FAM107B: variants seen among roughly 807,000 people sequenced by gnomAD.
The protein encoded by FAM107B is protein FAM107B.
FAM107B carries 21 observed loss-of-function variants against 31.5 expected under a neutral mutation model. The ratio of observed to expected loss-of-function variants is 0.67; its 90% CI spans 0.47 to 0.96. The LOEUF (loss-of-function observed/expected upper bound fraction) is 0.96, where lower values mean the gene tolerates loss of function less well. Ranked by LOEUF, FAM107B falls within the 40% of genes least tolerant of loss-of-function variation. The pLI is 0.00. For missense variants in FAM107B, 452 were observed against 377.1 expected, an observed-to-expected ratio of 1.20 and a Z score of -1.64; for synonymous variants, 157 against 141.5, an observed-to-expected ratio of 1.11 and a Z score of -0.78.
chr10:14,704,386 T>C (rs535308827), intron 1 of FAM107B, among the ~76,000 whole-genome samples: 46 of 151,982 alleles, frequency 3.0e-4, no homozygotes, highest in Non-Finnish European at 4.9e-4. Flanking sequence ...ATGCTAAGTG[T>C]CACAGAAGAA....
intron 2 of FAM107B, among the ~76,000 whole-genome samples, chr10:14,556,952 C>T (rs1849758499): frequency 6.6e-6 from 1 of 152,196 alleles, no homozygotes; most frequent in Admixed American, 6.5e-5. Flanking sequence ...CACAGGCCTG[C>T]CTTCATTCCT....
At chr10:14,696,117 T>C (rs1233594112) in intron 1 of FAM107B, among the ~76,000 whole-genome samples, 2 of 152,212 alleles carry the variant, frequency 1.3e-5, no homozygotes, top group African/African-American at 2.4e-5. Flanking sequence ...CTGTGGGTTT[T>C]TCCTAGATGG....
At chr10:14,725,841 T>TTTTA (rs1856021049) in intron 1 of FAM107B, among the ~76,000 whole-genome samples, 1 of 149,082 alleles carries the variant, frequency 6.7e-6, no homozygotes, top group Non-Finnish European at 1.5e-5. Flanking sequence ...TTTTTTTTTT[T>TTTTA]TGGAAATGGA....
At chr10:14,731,473 G>A (rs1006832655) in intron 1 of FAM107B, among the ~76,000 whole-genome samples, 7 of 152,110 alleles carry the variant, frequency 4.6e-5, no homozygotes, top group Admixed American at 2.0e-4. Context: ...GAGACAGGAG[G>A]ATCACTTGAG....
chr10:14,568,447 GTA>G (rs1850878645), intron 2 of FAM107B, among the ~76,000 whole-genome samples: 2 of 20,834 alleles, frequency 9.6e-5, no homozygotes, highest in African/African-American at 1.3e-4. Context: ...AGATACTCAG[GTA>G]AGAGGAGGCT....
intron 1 of FAM107B, among the ~76,000 whole-genome samples, chr10:14,766,701 A>G (rs920760352): frequency 9.9e-5 from 15 of 151,910 alleles, no homozygotes; most frequent in Non-Finnish European, 1.9e-4. Flanking sequence ...TATAATGGCC[A>G]TAGCTCAGTG....
chr10:14,701,332 C>T (rs1218509836), intron 1 of FAM107B, among the ~76,000 whole-genome samples: 1 of 151,060 alleles, frequency 6.6e-6, no homozygotes, highest in Non-Finnish European at 1.5e-5. Flanking sequence ...GCAACCTCCA[C>T]CTCCCAGGTT....
intron 1 of FAM107B, among the ~76,000 whole-genome samples, chr10:14,743,698 G>A (rs765669251): frequency 2.6e-4 from 39 of 152,166 alleles, no homozygotes; most frequent in Non-Finnish European, 5.0e-4. Context: ...TCTCTATTCT[G>A]TTCCATTGGT....
In FAM107B at chr10:14,561,047, G is replaced by T. The variant is rs138672412; in HGVS notation, c.470-30532C>A. The stretch of plus-strand genomic sequence containing the variant: ...ACTGAGTCAAGCTACAACGAAACCA[G>T]CCATCATTCTCTGTCTTTTGAAGGG... On this transcript the variant is annotated intron_variant, in intron 2 of 4. Coordinates refer to ENST00000181796, the MANE Select transcript of FAM107B (RefSeq NM_031453.4). Among the ~76,000 whole-genome samples, 249 of 152,332 alleles carry T rather than the reference G, an allele frequency of 1.6e-3. 1 individual carries two copies. Among genetic ancestry groups the T allele is most frequent in the African/African-American group, 5.8e-3 (240 of 41,576 alleles).
At chr10:14,620,361 C>G (rs1211665382) in intron 2 of FAM107B, among the ~76,000 whole-genome samples, 1 of 152,104 alleles carries the variant, frequency 6.6e-6, no homozygotes, top group African/African-American at 2.4e-5. Context: ...GTATATCTAA[C>G]CTTTCATCAA....
At chr10:14,539,511 A>T (rs1847967183) in intron 2 of FAM107B, among the ~76,000 whole-genome samples, 1 of 152,208 alleles carries the variant, frequency 6.6e-6, no homozygotes, top group African/African-American at 2.4e-5. Flanking sequence ...AGCAGTTCTC[A>T]CATAATCTAG....
chr10:14,707,356 A>G (rs1181352467), intron 1 of FAM107B, among the ~76,000 whole-genome samples: 2 of 43,420 alleles, frequency 4.6e-5, no homozygotes, highest in African/African-American at 2.0e-4. Context: ...CGTTCCCACA[A>G]TGACATTCTC....
intron 2 of FAM107B, among the ~76,000 whole-genome samples, chr10:14,560,323 T>C (rs921622221): frequency 2.6e-5 from 4 of 152,330 alleles, no homozygotes; most frequent in Middle Eastern, 3.4e-3. Context: ...TTCATCTTTC[T>C]GTAAAAACTA....
At chr10:14,709,538 T>G (rs1855592786) in intron 1 of FAM107B, among the ~76,000 whole-genome samples, 2 of 152,172 alleles carry the variant, frequency 1.3e-5, no homozygotes, top group South Asian at 4.1e-4. Context: ...GGGAAAGACC[T>G]GCCCCCATGA....
chr10:14,630,050 T>TA (rs1853314047), intron 2 of FAM107B, among the ~76,000 whole-genome samples: 2 of 152,178 alleles, frequency 1.3e-5, no homozygotes, highest in African/African-American at 4.8e-5. Context: ...GATAGAGCTT[T>TA]ATCTCCTTCC....
chr10:14,529,048 T>G (rs1309971602), intron 3 of FAM107B, among the ~76,000 whole-genome samples: 1 of 152,180 alleles, frequency 6.6e-6, no homozygotes, highest in Non-Finnish European at 1.5e-5. Context: ...CTGAAAATCT[T>G]TGAGTGACAA....
rs191686222 is a variant in FAM107B, at chr10:14,519,799, T to C, written c.*1391A>G. 6.6e-6 allele frequency: 1 copy of C among 152,436 alleles called. No individual in the cohort carries two copies. The highest frequency in any genetic ancestry group is 1.5e-5 in the Non-Finnish European group (1 of 68,024). 9.4% of individuals were successfully genotyped at this position (152,436 alleles called of 1,614,324 possible). A position where few individuals can be genotyped will look rare whatever the true frequency, so the allele number is the denominator to read the frequency against. ...ATGAGAAGTCTCTCCAATGCAGAAA[T>C]GACTGGCTGAACTGTCTCTACGGAG... is the stretch of plus-strand genomic sequence containing the variant. On this transcript the variant is annotated 3_prime_UTR_variant, in exon 5 of 5. Transcript: ENST00000181796.
intron 2 of FAM107B, among the ~76,000 whole-genome samples, chr10:14,588,689 CA>C (rs1252117137): frequency 6.6e-6 from 1 of 152,144 alleles, no homozygotes; most frequent in African/African-American, 2.4e-5. Context: ...GGTGACTTCT[CA>C]CCTCCACTCC....
intron 2 of FAM107B, among the ~76,000 whole-genome samples, chr10:14,582,911 C>A (rs931028024): frequency 6.6e-6 from 1 of 151,886 alleles, no homozygotes; most frequent in Non-Finnish European, 1.5e-5. Flanking sequence ...CATGGCAAAA[C>A]CCCATCTCTA....
Sources: allele counts gnomAD v4.1 joint callset (sites outside exome capture counted in the v4.1 genomes callset), GRCh38; gene constraint gnomAD v4.1.1; transcripts MANE v1.5; gene names NCBI Gene and HGNC (gene_info 2026-07-23, HGNC 2026-07-21).